Variants in UGT1A8 observed in about 807,000 individuals in gnomAD.
UGT1A8 encodes the protein UDP glucuronosyltransferase family 1 member A8.
Under a neutral mutation model 45.3 loss-of-function variants are expected in UGT1A8, and 39 were observed. The observed-to-expected ratio is 0.86, with a 90% CI of 0.67 to 1.12. The LOEUF is 1.12. Among genes scored for constraint, UGT1A8 ranks in the 50% most tolerant of loss-of-function variants. The pLI, the probability that UGT1A8 is intolerant of heterozygous loss-of-function variation, is 0.00. For missense variants in UGT1A8, 719 were observed against 664.9 expected, an observed-to-expected ratio of 1.08 and a Z score of -0.90; for synonymous variants, 275 against 249.2, an observed-to-expected ratio of 1.10 and a Z score of -0.97.
At chr2:233,622,339 T>A (rs2073023720) in intron 1 of UGT1A8, among the ~76,000 whole-genome samples, 1 of 152,202 alleles carries the variant, frequency 6.6e-6, no homozygotes, top group African/African-American at 2.4e-5. Context: ...TAATTTACAC[T>A]CCCACCAACA....
chr2:233,740,186 C>T (rs1343042773), intron 1 of UGT1A8, among the ~76,000 whole-genome samples: 1 of 151,760 alleles, frequency 6.6e-6, no homozygotes, highest in Non-Finnish European at 1.5e-5. Flanking sequence ...TCAATTAAAC[C>T]TCTTTCTTTT....
Position 233,667,523 on chromosome 2 carries a change from T to C in UGT1A8, c.855+48961T>C, listed in dbSNP as rs541381777. Among the ~76,000 whole-genome samples the C allele has an allele frequency of 4.1e-4, 62 of 152,254 alleles. 1 individual carries two copies. Among genetic ancestry groups the C allele is most frequent in the African/African-American group, 1.2e-3 (51 of 41,544 alleles). On this transcript the variant is annotated intron_variant, in intron 1 of 4. Coordinates refer to ENST00000373450, the MANE Select transcript of UGT1A8 (RefSeq NM_019076.5). ...AAAGCAGTGGCAACAAAAGCCAAAA[T>C]TGACAAATGGGATCTCATTAAACTA...
At chr2:233,747,138 G>A in intron 1 of UGT1A8, 1 of 1,552,384 alleles carries the variant, frequency 6.4e-7, no homozygotes. Context: ...CAGTGACAAG[G>A]TAATTAAGAT....
chr2:233,682,757 G>A lies in UGT1A8; in HGVS notation c.855+64195G>A, dbSNP rs2074597285. ...GATGCCCAATATGATCTTCATTGGTGGTATCAACTGTCATCAGGGAAAGCC... is the reference window on the plus strand; with the variant it reads ...GATGCCCAATATGATCTTCATTGGTAGTATCAACTGTCATCAGGGAAAGCC... On this transcript the variant is annotated intron_variant, in intron 1 of 4. Coordinates refer to ENST00000373450, the MANE Select transcript of UGT1A8 (RefSeq NM_019076.5). 2.5e-6 allele frequency: 4 copies of A among 1,613,712 alleles called. No homozygotes were observed. Among genetic ancestry groups the A allele is most frequent in the Non-Finnish European group, 3.4e-6 (4 of 1,179,728 alleles).
chr2:233,672,090 G>T (rs139255934), intron 1 of UGT1A8: 133 of 1,614,150 alleles, frequency 8.2e-5, no homozygotes, highest in Middle Eastern at 3.3e-4. Context: ...TTCTCAGGGG[G>T]CATGAGGTGG....
intron 1 of UGT1A8, among the ~76,000 whole-genome samples, chr2:233,724,182 C>A (rs1411199563): frequency 3.3e-5 from 4 of 119,646 alleles, no homozygotes; most frequent in African/African-American, 7.6e-5. Flanking sequence ...ATCTCCCTCC[C>A]GGACGGGGTG....
At chr2:233,743,598 G>C in intron 1 of UGT1A8, 1 of 1,367,308 alleles carries the variant, frequency 7.3e-7, no homozygotes, top group Non-Finnish European at 9.8e-7. Flanking sequence ...AATGGGTCCT[G>C]GCCGCCGAAG....
Position 233,748,513 on chromosome 2 carries a change from T to C in UGT1A8, c.856-18521T>C, listed in dbSNP as rs527780891. Among the ~76,000 whole-genome samples the C allele has an allele frequency of 5.3e-5, 8 of 151,912 alleles. No homozygotes were observed. The South Asian group carries it at 1.7e-3, about 31-fold the overall frequency. The stretch of plus-strand genomic sequence containing the variant: ...TGTGATAATTTTTAGTGGTCCTGTC[T>C]TGCGAATGATAGAGAGGTGACCACA... On this transcript the variant is annotated intron_variant, in intron 1 of 4. Transcript: ENST00000373450.
chr2:233,665,571 G>C (rs531415960), intron 1 of UGT1A8, among the ~76,000 whole-genome samples: 2 of 152,326 alleles, frequency 1.3e-5, no homozygotes, highest in African/African-American at 4.8e-5. Context: ...CTGCAGGAAA[G>C]GCAAGGTAGG....
chr2:233,738,561 A>C lies in UGT1A8; in HGVS notation c.856-28473A>C, dbSNP rs200356617. 8.5e-5 allele frequency among the ~76,000 whole-genome samples: 13 copies of C among 152,332 alleles called. No homozygotes were observed. In the East Asian group the frequency reaches 2.5e-3, roughly 29 times the overall value. ...GCTGAGTCTCAGATAGAGATGAGGA[A>C]TCTGTTGAGAACTGGAGCAAAGGTC... On this transcript the variant is annotated intron_variant, in intron 1 of 4. Transcript: ENST00000373450.
chr2:233,622,673 G>T (rs2073030300), intron 1 of UGT1A8, among the ~76,000 whole-genome samples: 1 of 152,154 alleles, frequency 6.6e-6, no homozygotes, highest in African/African-American at 2.4e-5. Context: ...CCATTTCATA[G>T]GTTGCCTTTT....
chr2:233,671,768 A>C (rs2074198809), intron 1 of UGT1A8: 1 of 1,365,026 alleles, frequency 7.3e-7, no homozygotes, highest in African/African-American at 1.5e-5. Flanking sequence ...AGCTACTCAT[A>C]TATTCTTGTT....
At chr2:233,704,691 T>C (rs749758389) in intron 1 of UGT1A8, among the ~76,000 whole-genome samples, 31 of 152,224 alleles carry the variant, frequency 2.0e-4, no homozygotes, top group Non-Finnish European at 4.3e-4. Flanking sequence ...AGTTACCTTA[T>C]GGTATCATTT....
At chr2:233,662,817 GTT>G (rs34052709) in intron 1 of UGT1A8, among the ~76,000 whole-genome samples, 94 of 139,366 alleles carry the variant, frequency 6.7e-4, no homozygotes, top group African/African-American at 1.6e-3. Flanking sequence ...TTTGCTGAGA[GTT>G]TTTTTTTTTT....
At chr2:233,700,275 TTTTAA>T (rs2075554148) in intron 1 of UGT1A8, among the ~76,000 whole-genome samples, 1 of 152,238 alleles carries the variant, frequency 6.6e-6, no homozygotes, top group African/African-American at 2.4e-5. Context: ...AATAGGCACT[TTTTAA>T]AATACGTGAC....
chr2:233,632,703 G>T (rs1302316260), intron 1 of UGT1A8, among the ~76,000 whole-genome samples: 1 of 152,172 alleles, frequency 6.6e-6, no homozygotes, highest in Non-Finnish European at 1.5e-5. Context: ...CTTTTCTGAA[G>T]TTGCTTATCA....
rs143031439 is a variant in UGT1A8 at position 233,719,079 on chromosome 2, A to G, written c.856-47955A>G. ...AGCCTATGCTGTTCCATGGACCCAG[A>G]AGGAATTTGATCGCGTTACGCTGGG... On this transcript the variant is annotated intron_variant, in intron 1 of 4. Coordinates refer to ENST00000373450, the MANE Select transcript of UGT1A8 (RefSeq NM_019076.5). 42 of 1,614,102 alleles carry G rather than the reference A, an allele frequency of 2.6e-5. No homozygotes were observed. In the East Asian group the frequency reaches 3.3e-4, roughly 13 times the overall value.
intron 1 of UGT1A8, among the ~76,000 whole-genome samples, chr2:233,742,133 C>T (rs1691882264): frequency 6.6e-6 from 1 of 151,894 alleles, no homozygotes; most frequent in African/African-American, 2.4e-5. Context: ...GAGACCCTAA[C>T]CCAGCAGCGC....
At position 233,747,166 on chromosome 2, in the gene UGT1A8, G is replaced by C. The variant is rs1272270999; in HGVS notation, c.856-19868G>C. The C allele has an allele frequency of 9.4e-6, 15 of 1,592,462 alleles. No individual in the cohort carries two copies. In the East Asian group the frequency reaches 2.9e-4, roughly 31 times the overall value. On this transcript the variant is annotated intron_variant, in intron 1 of 4. Coordinates refer to ENST00000373450, the MANE Select transcript of UGT1A8 (RefSeq NM_019076.5). ...ATTAAGATGAAGAAAACAAATGTAG[G>C]AGGCACAGCGTGGGGTGGACAGTCA...
Sources: allele counts gnomAD v4.1 joint callset (sites outside exome capture counted in the v4.1 genomes callset), GRCh38; gene constraint gnomAD v4.1.1; transcripts MANE v1.5; gene names NCBI Gene and HGNC (gene_info 2026-07-23, HGNC 2026-07-21).